The following OPCML variants were observed in gnomAD, a reference collection of about 807,000 sequenced individuals.
OPCML encodes the protein opioid binding protein/cell adhesion molecule like.
A neutral mutation model predicts 37.8 loss-of-function variants in OPCML; 13 were observed. The ratio of observed to expected loss-of-function variants is 0.34; its 90% CI spans 0.22 to 0.55. The LOEUF (loss-of-function observed/expected upper bound fraction) is 0.55. Among genes scored for constraint, OPCML ranks in the 20% least tolerant of loss-of-function variants. OPCML has a pLI of 0.91. For synonymous variants in OPCML, 176 were observed against 168.8 expected, an observed-to-expected ratio of 1.04 and a Z score of -0.33; for missense variants, 341 against 435.6, an observed-to-expected ratio of 0.78 and a Z score of 1.93.
At chr11:132,667,026 G>A (rs1258366560) in intron 2 of OPCML, among the ~76,000 whole-genome samples, 2 of 152,210 alleles carry the variant, frequency 1.3e-5, no homozygotes, top group Non-Finnish European at 2.9e-5. Context: ...AGAGCTTGAG[G>A]GAGCTAGAGT....
intron 4 of OPCML, among the ~76,000 whole-genome samples, chr11:132,501,028 T>A (rs1384368282): frequency 6.6e-6 from 1 of 152,220 alleles, no homozygotes; most frequent in Non-Finnish European, 1.5e-5. Flanking sequence ...TGTGCATGTG[T>A]CTTTATAGTA....
At chr11:132,785,912 T>G (rs2136165027) in intron 2 of OPCML, among the ~76,000 whole-genome samples, 1 of 152,324 alleles carries the variant, frequency 6.6e-6, no homozygotes, top group South Asian at 2.1e-4. Context: ...TAAAAAATAT[T>G]TTATCCAAGG....
intron 2 of OPCML, among the ~76,000 whole-genome samples, chr11:132,698,220 TACTG>T (rs1943671836): frequency 6.6e-6 from 1 of 152,050 alleles, no homozygotes; most frequent in Non-Finnish European, 1.5e-5. Context: ...GGAACTTCCA[TACTG>T]TTTCCACAAT....
At chr11:133,500,139 G>C (rs1220381629) in intron 1 of OPCML, among the ~76,000 whole-genome samples, 2 of 151,906 alleles carry the variant, frequency 1.3e-5, no homozygotes, top group African/African-American at 4.8e-5. Context: ...CAAAGTGCTG[G>C]GTTTACAGGC....
chr11:132,926,418 C>A (rs530638238), intron 2 of OPCML, among the ~76,000 whole-genome samples: 1 of 151,992 alleles, frequency 6.6e-6, no homozygotes, highest in African/African-American at 2.4e-5. Flanking sequence ...CATTTAAGGC[C>A]CCTGAGAAGA....
intron 1 of OPCML, among the ~76,000 whole-genome samples, chr11:133,192,775 A>G (rs889010932): frequency 6.6e-6 from 1 of 152,204 alleles, no homozygotes; most frequent in Non-Finnish European, 1.5e-5. Flanking sequence ...ACTGTGCAAA[A>G]GGCTAAATTC....
At chr11:132,874,140 C>T (rs762102409) in intron 2 of OPCML, among the ~76,000 whole-genome samples, 3 of 152,164 alleles carry the variant, frequency 2.0e-5, no homozygotes, top group Non-Finnish European at 4.4e-5. Context: ...TGACTGCCAT[C>T]AATTATATAC....
At chr11:132,589,301 A>G (rs1169016239) in intron 3 of OPCML, among the ~76,000 whole-genome samples, 7 of 152,186 alleles carry the variant, frequency 4.6e-5, no homozygotes, top group Non-Finnish European at 8.8e-5. Flanking sequence ...ATTTGCCTAC[A>G]GTTTCCATGT....
intron 2 of OPCML, among the ~76,000 whole-genome samples, chr11:132,796,526 A>G (rs1938317221): frequency 6.7e-6 from 1 of 149,062 alleles, no homozygotes; most frequent in Non-Finnish European, 1.5e-5. Context: ...ATTTCTCAGC[A>G]TTCTCACTAA....
At chr11:133,084,002 T>C (rs73590512) in intron 1 of OPCML, among the ~76,000 whole-genome samples, 8,218 of 152,272 alleles carry the variant, frequency 0.054, 737 homozygotes, top group African/African-American at 0.19. Flanking sequence ...ATTGACTTTT[T>C]GCATGCTCCC....
chr11:133,064,153 T>C (rs1343109601), intron 1 of OPCML, among the ~76,000 whole-genome samples: 1 of 151,642 alleles, frequency 6.6e-6, no homozygotes, highest in Non-Finnish European at 1.5e-5. Flanking sequence ...GGAGGCTGAG[T>C]GAGGGGTGGA....
intron 1 of OPCML, among the ~76,000 whole-genome samples, chr11:133,359,766 C>A (rs1319528741): frequency 1.3e-5 from 2 of 152,154 alleles, no homozygotes; most frequent in Non-Finnish European, 2.9e-5. Context: ...TGGAATGGAG[C>A]ATATTTAACT....
intron 2 of OPCML, among the ~76,000 whole-genome samples, chr11:132,830,586 C>T (rs1405186601): frequency 6.6e-6 from 1 of 152,174 alleles, no homozygotes; most frequent in Non-Finnish European, 1.5e-5. Flanking sequence ...ATATCAGAAT[C>T]TAAAATCATA....
At chr11:133,340,604 CTCTCTG>C (rs1441077864) in intron 1 of OPCML, among the ~76,000 whole-genome samples, 30 of 106,080 alleles carry the variant, frequency 2.8e-4, no homozygotes, top group African/African-American at 1.2e-3. Context: ...AATTAAGACT[CTCTCTG>C]TGTGTGTGTG....
At chr11:132,919,042 C>G (rs1333067644) in intron 2 of OPCML, among the ~76,000 whole-genome samples, 1 of 152,182 alleles carries the variant, frequency 6.6e-6, no homozygotes, top group Non-Finnish European at 1.5e-5. Context: ...AGTACATTCA[C>G]TGGCAACTGA....
intron 1 of OPCML, among the ~76,000 whole-genome samples, chr11:132,981,220 AAG>A (rs1195571977): frequency 3.3e-5 from 5 of 152,220 alleles, no homozygotes; most frequent in Non-Finnish European, 7.3e-5. Context: ...GAAATGGAAA[AAG>A]ACAATCATTT....
chr11:133,147,274 G>A (rs1949910908), intron 1 of OPCML, among the ~76,000 whole-genome samples: 1 of 152,176 alleles, frequency 6.6e-6, no homozygotes. Flanking sequence ...CCACTCAGAA[G>A]GGGAGAGGCA....
chr11:132,651,619 C>A (rs147147078), intron 3 of OPCML, among the ~76,000 whole-genome samples: 2 of 152,232 alleles, frequency 1.3e-5, no homozygotes, highest in African/African-American at 4.8e-5. Flanking sequence ...GCTGAGATAA[C>A]GTTTATACTT....
intron 1 of OPCML, among the ~76,000 whole-genome samples, chr11:133,081,232 G>C (rs866898287): frequency 1.3e-4 from 20 of 152,102 alleles, no homozygotes; most frequent in African/African-American, 4.3e-4. Flanking sequence ...TCCATCTGGA[G>C]GGTTAGGGCT....
Sources: allele counts gnomAD v4.1 joint callset (sites outside exome capture counted in the v4.1 genomes callset), GRCh38; gene constraint gnomAD v4.1.1; transcripts MANE v1.5; gene names NCBI Gene and HGNC (gene_info 2026-07-23, HGNC 2026-07-21).